IL15: variants seen among roughly 807,000 people sequenced by gnomAD.
IL15 encodes interleukin 15, also known as interleukin-15.
In IL15, 11 loss-of-function variants were observed where a neutral mutation model predicts 19.6. That is an observed-to-expected ratio of 0.56 (90% CI 0.35 to 0.93). The LOEUF is 0.93. IL15 is among the 40% of genes least tolerant of loss of function. The pLI is 0.01. For synonymous variants in IL15, 58 were observed against 59.6 expected (o/e 0.97, Z 0.12); for missense variants, 197 against 186.5 (o/e 1.06, Z -0.33).
At chr4:141,686,334 A>AAATAAATAAATC (rs1728712165) in intron 2 of IL15, among the ~76,000 whole-genome samples, 1 of 151,440 alleles carries the variant, frequency 6.6e-6, no homozygotes, top group Non-Finnish European at 1.5e-5. Context: ...ATAAATAAAT[A>AAATAAATAAATC]AATAAAAGGT....
intron 1 of IL15, among the ~76,000 whole-genome samples, chr4:141,642,087 A>G (rs555981746): frequency 6.6e-6 from 1 of 152,242 alleles, no homozygotes; most frequent in African/African-American, 2.4e-5. Context: ...ATATCATACA[A>G]CTAGATATGT....
intron 2 of IL15, among the ~76,000 whole-genome samples, chr4:141,714,285 G>C (rs1380143885): frequency 1.3e-5 from 2 of 151,914 alleles, no homozygotes; most frequent in Non-Finnish European, 2.9e-5. Context: ...TCTTGGAGGT[G>C]AGCTAACATC....
At chr4:141,653,777 G>A (rs1727494465) in intron 1 of IL15, among the ~76,000 whole-genome samples, 1 of 152,116 alleles carries the variant, frequency 6.6e-6, no homozygotes, top group Admixed American at 6.6e-5. Flanking sequence ...ATTCACATGA[G>A]TAATTTCAAC....
intron 6 of IL15, among the ~76,000 whole-genome samples, chr4:141,728,564 T>TTGG (rs1730345377): frequency 6.6e-6 from 1 of 152,130 alleles, no homozygotes; most frequent in South Asian, 2.1e-4. Flanking sequence ...ATTTGTCATG[T>TTGG]TGGTGGTGGT....
chr4:141,732,706 T>C (rs758922968), intron 7 of IL15, 32 bp from the exon 8 acceptor site: 1 of 1,602,392 alleles, frequency 6.2e-7, no homozygotes, highest in Non-Finnish European at 8.5e-7. Flanking sequence ...TAATTATAAA[T>C]TGCCAATTTA....
At chr4:141,684,436 G>C (rs982038715) in intron 2 of IL15, among the ~76,000 whole-genome samples, 2 of 152,114 alleles carry the variant, frequency 1.3e-5, no homozygotes. Context: ...TAATTGTTAG[G>C]CAGCATCACT....
intron 1 of IL15, among the ~76,000 whole-genome samples, chr4:141,653,655 C>A (rs1387079763): frequency 6.6e-6 from 1 of 152,066 alleles, no homozygotes; most frequent in African/African-American, 2.4e-5. Context: ...ACTTCCCATT[C>A]TTTTCTATGG....
intron 2 of IL15, chr4:141,714,775 G>C (rs763824832): frequency 6.6e-6 from 1 of 151,952 alleles, no homozygotes; most frequent in Non-Finnish European, 1.5e-5. Flanking sequence ...TTTCTTTCCT[G>C]GTCCTTCTTT....
At chr4:141,645,604 T>C (rs1727200273) in intron 1 of IL15, among the ~76,000 whole-genome samples, 1 of 152,152 alleles carries the variant, frequency 6.6e-6, no homozygotes. Flanking sequence ...GTAGTTTCAA[T>C]GTCAATTACT....
At chr4:141,687,703 AATTTT>A (rs1483810716) in intron 2 of IL15, among the ~76,000 whole-genome samples, 11 of 152,056 alleles carry the variant, frequency 7.2e-5, no homozygotes, top group Admixed American at 6.5e-5. Context: ...TGCCTTTTTA[AATTTT>A]ATTTTATTTT....
At chr4:141,717,990 A>G (rs1729946508) in intron 2 of IL15, 1 of 152,088 alleles carries the variant, frequency 6.6e-6, no homozygotes, top group Non-Finnish European at 1.5e-5. Context: ...ACTGGCTTCC[A>G]TTATCATGAT....
rs1728633132 is a variant in IL15, at chr4:141,684,141, G to C, written c.-100+27834G>C. 2.6e-5 allele frequency among the ~76,000 whole-genome samples: 4 copies of C among 152,260 alleles called. No individual in the cohort carries two copies. In the South Asian group the frequency reaches 8.3e-4, roughly 32 times the overall value. ...CTAATTACGACCCAGCCTGTACCCA[G>C]ACAGCTAAAAATTAACACAGAAGTT... On this transcript the variant is annotated intron_variant, in intron 2 of 7. Transcript: ENST00000320650.
chr4:141,671,157 C>A (rs542862290), intron 2 of IL15, among the ~76,000 whole-genome samples: 1 of 152,084 alleles, frequency 6.6e-6, no homozygotes, highest in Non-Finnish European at 1.5e-5. Context: ...ATAACCCCTA[C>A]GTAAAGAAGC....
rs916414505 is a variant in IL15 at position 141,733,836 on chromosome 4, C to T, written c.*988C>T. ...ATGTTTATATAATAATAAAGAAAAA[C>T]CCTGTTGATTTGTTGGAGCCATTGT... On this transcript the variant is annotated 3_prime_UTR_variant, in exon 8 of 8. Coordinates refer to ENST00000320650, the MANE Select transcript of IL15 (RefSeq NM_000585.5). 1 of 152,034 alleles carries T rather than the reference C, an allele frequency of 6.6e-6. No individual in the cohort carries two copies. The highest frequency in any genetic ancestry group is 1.5e-5 in the Non-Finnish European group (1 of 68,004). 9.4% of individuals were successfully genotyped at this position (152,034 alleles called of 1,614,324 possible).
chr4:141,676,682 C>G (rs890882366), intron 2 of IL15, among the ~76,000 whole-genome samples: 1 of 151,856 alleles, frequency 6.6e-6, no homozygotes, highest in Non-Finnish European at 1.5e-5. Context: ...TAAATTCCTA[C>G]TGGAGAAAAC....
chr4:141,688,941 T>A (rs1432215800), intron 2 of IL15: 1 of 152,552 alleles, frequency 6.6e-6, no homozygotes, highest in Non-Finnish European at 1.5e-5. Flanking sequence ...GCATCTGGAG[T>A]TTGTTCCTTC....
chr4:141,666,081 A>ATTTATTTATTTATTTAT (rs71586237), intron 2 of IL15, among the ~76,000 whole-genome samples: 43 of 143,390 alleles, frequency 3.0e-4, no homozygotes, highest in African/African-American at 8.6e-4. Flanking sequence ...CTTTTTATTT[A>ATTTATTTATTTATTTAT]TTATTTATTT....
At chr4:141,661,344 A>T (rs17007506) in intron 2 of IL15, among the ~76,000 whole-genome samples, 3,143 of 152,296 alleles carry the variant, frequency 0.021, 113 homozygotes, top group African/African-American at 0.071. Flanking sequence ...CTGGGAGAAT[A>T]GGAGAAAGAT....
intron 7 of IL15, 143 bp downstream of exon 7, chr4:141,730,127 C>T (rs905668294): frequency 2.8e-6 from 2 of 720,084 alleles, no homozygotes; most frequent in Non-Finnish European, 5.0e-6. Context: ...AAAAGTGGCA[C>T]CATCTCCAGC....
Sources: gnomAD v4.1 joint callset for allele counts (sites outside exome capture counted in the v4.1 genomes callset) on GRCh38, gnomAD v4.1.1 for gene constraint, MANE v1.5 for transcripts, NCBI Gene and HGNC (gene_info 2026-07-23, HGNC 2026-07-21) for gene names.